PLEKHA7: variants seen among roughly 807,000 people sequenced by gnomAD.
The protein encoded by PLEKHA7 is pleckstrin homology domain-containing family A member 7.
A neutral mutation model predicts 170.0 loss-of-function variants in PLEKHA7; 104 were observed. The observed-to-expected ratio is 0.61, with a 90% CI of 0.52 to 0.72. The LOEUF is 0.72. Ranked by LOEUF, PLEKHA7 falls within the 30% of genes least tolerant of loss-of-function variation. PLEKHA7 has a pLI of 0.00. For missense variants in PLEKHA7, 1,615 were observed against 1,671.7 expected (o/e 0.97, Z 0.59); for synonymous variants, 648 against 660.8 (o/e 0.98, Z 0.30).
rs113509309 is a variant in PLEKHA7 at position 16,873,555 on chromosome 11, G to A, written c.222-2373C>T. Among the ~76,000 whole-genome samples the A allele has an allele frequency of 4.6e-3, 697 of 152,324 alleles. 2 individuals carry two copies. The highest frequency in any genetic ancestry group is 0.015 in the African/African-American group (605 of 41,574). Reference sequence around the variant, plus strand: ...GCAGACTAGTCTTCCCAAAAAAGCAGAGTTAAGTCTGAGCATCTAAGATAA... The same window carrying A: ...GCAGACTAGTCTTCCCAAAAAAGCAAAGTTAAGTCTGAGCATCTAAGATAA... On this transcript the variant is annotated intron_variant, in intron 3 of 26. Coordinates refer to ENST00000531066, the MANE Select transcript of PLEKHA7 (RefSeq NM_001329630.2).
At chr11:16,979,792 T>C (rs1272589539) in intron 3 of PLEKHA7, among the ~76,000 whole-genome samples, 2 of 152,200 alleles carry the variant, frequency 1.3e-5, no homozygotes, top group Non-Finnish European at 2.9e-5. Flanking sequence ...AGCAATTCTC[T>C]TTGGTCTACC....
chr11:16,860,204 C>T (rs1388791262), intron 4 of PLEKHA7, among the ~76,000 whole-genome samples: 1 of 152,228 alleles, frequency 6.6e-6, no homozygotes, highest in African/African-American at 2.4e-5. Context: ...TGAGCCTGAA[C>T]AGGAAGACAC....
At chr11:16,922,799 G>A (rs770853577) in intron 3 of PLEKHA7, among the ~76,000 whole-genome samples, 3 of 152,116 alleles carry the variant, frequency 2.0e-5, no homozygotes, top group Non-Finnish European at 4.4e-5. Context: ...CTTTTAAGAG[G>A]GAAGAGAGAA....
At chr11:16,936,389 G>A (rs1169443446) in intron 3 of PLEKHA7, among the ~76,000 whole-genome samples, 1 of 102,334 alleles carries the variant, frequency 9.8e-6, no homozygotes, top group Non-Finnish European at 1.8e-5. Flanking sequence ...GAAATAGCGT[G>A]AGACTCTGTC....
intron 18 of PLEKHA7, 22 bp downstream of exon 18, chr11:16,794,888 T>C: frequency 7.9e-7 from 1 of 1,271,220 alleles, no homozygotes. Context: ...ATCCCCCACA[T>C]CCAGGAAGAT....
At chr11:16,879,724 C>T (rs1855570341) in intron 3 of PLEKHA7, among the ~76,000 whole-genome samples, 1 of 152,190 alleles carries the variant, frequency 6.6e-6, no homozygotes, top group Admixed American at 6.5e-5. Context: ...ACTTAAAGCC[C>T]TCACAACTTG....
chr11:16,861,951 A>G (rs1356251856), intron 4 of PLEKHA7, among the ~76,000 whole-genome samples: 2 of 152,160 alleles, frequency 1.3e-5, no homozygotes, highest in Non-Finnish European at 1.5e-5. Context: ...AATGAAAACT[A>G]GGAAACAAAA....
chr11:16,928,553 A>T (rs185440664), intron 3 of PLEKHA7, among the ~76,000 whole-genome samples: 1 of 151,996 alleles, frequency 6.6e-6, no homozygotes, highest in Non-Finnish European at 1.5e-5. Flanking sequence ...CCAGAGCTCA[A>T]GTGGTTCTCC....
chr11:17,013,626 G>A (rs994577389), intron 3 of PLEKHA7, among the ~76,000 whole-genome samples: 1 of 152,226 alleles, frequency 6.6e-6, no homozygotes, highest in Non-Finnish European at 1.5e-5. Context: ...CCTCCCACCC[G>A]AGCCCATCCA....
chr11:16,976,001 G>A (rs959684257), intron 3 of PLEKHA7, among the ~76,000 whole-genome samples: 9 of 152,216 alleles, frequency 5.9e-5, no homozygotes, highest in Non-Finnish European at 7.3e-5. Flanking sequence ...ACCTCAGGAA[G>A]GGGCTGTACT....
At position 16,789,296 on chromosome 11, in the gene PLEKHA7, T is replaced by G. The variant is rs766575037; in HGVS notation, c.3157A>C (p.Arg1053=). The part of the protein sequence containing the change: ...NAESSKATFP[R]PKSALERLYS... ...AGGCGCTCCAAGGCACTCTTAGGTCTCTGAGGAAGAGGAGGCAGGCAAGAG... is the reference window on the plus strand; with the variant it reads ...AGGCGCTCCAAGGCACTCTTAGGTCGCTGAGGAAGAGGAGGCAGGCAAGAG... Residue 1053 remains arginine, a splice_region_variant and synonymous_variant, in exon 23 of 27, where the codon AGA becomes CGA. Transcript: ENST00000531066. The surrounding 1 kb of genome is among the most constrained non-coding windows in gnomAD (Gnocchi z 4.6). 6.2e-7 allele frequency: 1 copy of G among 1,612,920 alleles called. No individual in the cohort carries two copies. The highest frequency in any genetic ancestry group is 1.1e-5 in the South Asian group (1 of 91,070).
intron 23 of PLEKHA7, chr11:16,788,800 G>A (rs959273877): frequency 1.6e-5 from 8 of 494,564 alleles, no homozygotes; most frequent in East Asian, 7.1e-5. Flanking sequence ...GAATTCAGCC[G>A]AGATTCCGAA....
At chr11:16,961,001 C>A (rs1407793634) in intron 3 of PLEKHA7, among the ~76,000 whole-genome samples, 1 of 152,176 alleles carries the variant, frequency 6.6e-6, no homozygotes, top group Non-Finnish European at 1.5e-5. Flanking sequence ...AGAGACCCAG[C>A]CAGCAAGTCC....
Position 16,966,675 on chromosome 11 carries a change from A to G in PLEKHA7, c.221+47314T>C, listed in dbSNP as rs142024101. Among the ~76,000 whole-genome samples, 612 of 151,518 alleles carry G rather than the reference A, an allele frequency of 4.0e-3. 3 individuals carry two copies. The highest frequency in any genetic ancestry group is 0.013 in the African/African-American group (532 of 40,944). On this transcript the variant is annotated intron_variant, in intron 3 of 26. Coordinates refer to ENST00000531066, the MANE Select transcript of PLEKHA7 (RefSeq NM_001329630.2). ...TGGAGCCTTGGGTTCCGTTTCCTTA[A>G]ATTTTCCATTCGGATTTTTTTTTTT...
chr11:16,811,737 C>A (rs527363824), intron 13 of PLEKHA7, among the ~76,000 whole-genome samples: 1 of 152,316 alleles, frequency 6.6e-6, no homozygotes, highest in South Asian at 2.1e-4. Context: ...CATGCTAAAG[C>A]CAGGTCTTTT....
At chr11:16,801,923 G>A (rs1379450487) in intron 15 of PLEKHA7, 106 bp from the exon 16 acceptor site, 34 of 1,400,842 alleles carry the variant, frequency 2.4e-5, no homozygotes, top group Middle Eastern at 4.9e-4. Flanking sequence ...AAGGCCGAAG[G>A]GATCAGCGCT....
intron 3 of PLEKHA7, among the ~76,000 whole-genome samples, chr11:16,929,960 C>T (rs528655275): frequency 3.3e-5 from 5 of 151,608 alleles, no homozygotes; most frequent in African/African-American, 7.3e-5. Flanking sequence ...GCTGAGATTG[C>T]GCCACTGCAC....
intron 3 of PLEKHA7, among the ~76,000 whole-genome samples, chr11:16,999,144 C>T (rs1303836363): frequency 6.6e-6 from 1 of 152,098 alleles, no homozygotes; most frequent in African/African-American, 2.4e-5. Context: ...TGCCCCATTC[C>T]CCCAGGACCA....
At chr11:16,816,134 G>T in intron 12 of PLEKHA7, 44 bp downstream of exon 12, 1 of 1,494,220 alleles carries the variant, frequency 6.7e-7, no homozygotes. Flanking sequence ...GGAAAATGTT[G>T]ATGAGATAGG....
Sources: allele counts gnomAD v4.1 joint callset (sites outside exome capture counted in the v4.1 genomes callset), GRCh38; gene constraint gnomAD v4.1.1; non-coding constraint Gnocchi (gnomAD v3.1); transcripts MANE v1.5; gene names NCBI Gene and HGNC (gene_info 2026-07-23, HGNC 2026-07-21).